The following AK3 variants were observed in gnomAD, a reference collection of about 807,000 sequenced individuals.
The protein encoded by AK3 is GTP:AMP phosphotransferase AK3, mitochondrial.
AK3 carries 27 observed loss-of-function variants against 23.7 expected under a neutral mutation model. The ratio of observed to expected loss-of-function variants is 1.14; its 90% confidence interval spans 0.84 to 1.57. The LOEUF is 1.57. Ranked by LOEUF, AK3 falls within the 40% of genes most tolerant of loss-of-function variation. The pLI is 0.00. For synonymous variants in AK3, 159 were observed against 116.0 expected (o/e 1.37, Z -2.38); for missense variants, 406 against 285.6 (o/e 1.42, Z -3.04).
intron 1 of AK3, among the ~76,000 whole-genome samples, chr9:4,729,071 C>T (rs543211322): frequency 1.9e-4 from 28 of 145,178 alleles, no homozygotes; most frequent in Non-Finnish European, 2.5e-4. Context: ...AGTGCAATGG[C>T]GCAATCTTGG....
intron 1 of AK3, among the ~76,000 whole-genome samples, chr9:4,728,686 T>A (rs1331930691): frequency 6.6e-6 from 1 of 151,612 alleles, no homozygotes; most frequent in Non-Finnish European, 1.5e-5. Context: ...AGTGTGGTAG[T>A]TTTTTTAAAG....
In AK3 at chr9:4,722,648, A is replaced by G. The variant is rs148328480; in HGVS notation, c.152-23T>C. On this transcript the variant is annotated intron_variant, in intron 1 of 4. Transcript: ENST00000381809. ...TTTCTACAGCAAAGCGGGGAAAAAA[A>G]TCAGTAAGTGCATTTGTTTTATCCC... 354 of 1,614,076 alleles carry G rather than the reference A, an allele frequency of 2.2e-4. 1 individual carries two copies. The African/African-American group carries it at 4.3e-3, about 20-fold the overall frequency.
chr9:4,733,921 T>C (rs1326797115), intron 1 of AK3, among the ~76,000 whole-genome samples: 1 of 152,224 alleles, frequency 6.6e-6, no homozygotes, highest in Non-Finnish European at 1.5e-5. Flanking sequence ...CCTAGGGAAC[T>C]GGAAGCTCCC....
rs1268955647 is a variant in AK3, at chr9:4,711,361, A to G, written c.*1615T>C. 6.6e-6 allele frequency: 1 copy of G among 152,566 alleles called. No individual in the cohort carries two copies. Among genetic ancestry groups the G allele is most frequent in the Non-Finnish European group, 1.5e-5 (1 of 68,024 alleles). The allele number at this position is 152,566 out of a possible 1,614,324, so 9.5% of individuals were successfully genotyped here. On this transcript the variant is annotated 3_prime_UTR_variant, in exon 5 of 5. Transcript: ENST00000381809. Reference sequence around the variant, plus strand: ...ATCCATAAGTTTGGTATTTCACAACATTTTTTAGAAAGCACATAAGATTAA... The same window carrying G: ...ATCCATAAGTTTGGTATTTCACAACGTTTTTTAGAAAGCACATAAGATTAA...
intron 1 of AK3, among the ~76,000 whole-genome samples, chr9:4,730,968 A>C (rs1459754681): frequency 1.4e-5 from 1 of 71,566 alleles, no homozygotes; most frequent in African/African-American, 5.8e-5. Context: ...ATAATTATGG[A>C]CCCAGTTTCT....
chr9:4,728,091 T>C (rs918554035), intron 1 of AK3, among the ~76,000 whole-genome samples: 2 of 152,288 alleles, frequency 1.3e-5, no homozygotes, highest in African/African-American at 4.8e-5. Context: ...TTAACAGATA[T>C]AATAATAATG....
intron 1 of AK3, among the ~76,000 whole-genome samples, chr9:4,723,447 G>C (rs1841951378): frequency 6.6e-6 from 1 of 152,086 alleles, no homozygotes; most frequent in Non-Finnish European, 1.5e-5. Context: ...TTAGTATTGT[G>C]ATTATGTTAT....
At chr9:4,719,429 G>A in intron 2 of AK3, 122 bp from the exon 3 acceptor site, 1 of 911,982 alleles carries the variant, frequency 1.1e-6, no homozygotes, top group Non-Finnish European at 1.6e-6. Context: ...TGAACAAAAG[G>A]AATGAGGCTC....
chr9:4,733,887 T>G (rs978638827), intron 1 of AK3, among the ~76,000 whole-genome samples: 3 of 152,160 alleles, frequency 2.0e-5, no homozygotes, highest in African/African-American at 7.2e-5. Context: ...AAACGGCCCT[T>G]CATGGTCAAG....
chr9:4,736,063 C>T (rs1246869987), intron 1 of AK3, among the ~76,000 whole-genome samples: 2 of 146,290 alleles, frequency 1.4e-5, no homozygotes, highest in African/African-American at 2.6e-5. Flanking sequence ...TACAGTGAGC[C>T]GAGATCGTGC....
chr9:4,717,868 A>C (rs576937043), intron 4 of AK3, among the ~76,000 whole-genome samples: 1 of 152,308 alleles, frequency 6.6e-6, no homozygotes, highest in Admixed American at 6.5e-5. Context: ...TTTCATTGTA[A>C]ATTGCGGAAC....
At chr9:4,730,482 G>A (rs72695861) in intron 1 of AK3, among the ~76,000 whole-genome samples, 12,695 of 152,184 alleles carry the variant, frequency 0.083, 622 homozygotes, top group African/African-American at 0.13. Context: ...CATTGCCTGT[G>A]GTCCCAGCTA....
At chr9:4,729,010 TATA>T (rs1343880903) in intron 1 of AK3, among the ~76,000 whole-genome samples, 6 of 108,692 alleles carry the variant, frequency 5.5e-5, no homozygotes, top group East Asian at 6.0e-4. Context: ...TATATATATA[TATA>T]TATTTTTTTT....
intron 1 of AK3, among the ~76,000 whole-genome samples, chr9:4,728,706 A>C (rs977941337): frequency 4.6e-5 from 7 of 151,608 alleles, no homozygotes; most frequent in African/African-American, 1.5e-4. Flanking sequence ...GGTTGAACAC[A>C]GTTACCAAGC....
intron 1 of AK3, among the ~76,000 whole-genome samples, chr9:4,732,225 A>C (rs439239): frequency 6.6e-6 from 1 of 151,668 alleles, no homozygotes; most frequent in Non-Finnish European, 1.5e-5. Flanking sequence ...CTGGAATTAC[A>C]GGCATGAGCC....
rs1390735171 is a variant in AK3, at chr9:4,719,235, T to C, written c.344A>G (p.Asn115Ser). The change falls in exon 3 of 5, where the codon AAT becomes AGT. Residue 115 changes from asparagine to serine, a missense_variant. By Grantham distance (46) the Asn-to-Ser change is conservative. Coordinates refer to ENST00000381809, the MANE Select transcript of AK3 (RefSeq NM_016282.4). ...AYQIDTVINL[N>S]VPFEVIKQRL... Reference sequence around the variant, plus strand: ...TTGTTTAATGACCTCAAAGGGCACATTCAGGTTAATCACTGTGTCGATCTG... The same window carrying C: ...TTGTTTAATGACCTCAAAGGGCACACTCAGGTTAATCACTGTGTCGATCTG... The C allele has an allele frequency of 4.3e-6, 7 of 1,612,002 alleles. No individual in the cohort carries two copies. Among genetic ancestry groups the C allele is most frequent in the African/African-American group, 2.7e-5 (2 of 74,792 alleles).
chr9:4,739,922 G>A (rs995845886), intron 1 of AK3, among the ~76,000 whole-genome samples: 1 of 151,922 alleles, frequency 6.6e-6, no homozygotes, highest in Non-Finnish European at 1.5e-5. Context: ...AAGAAAAAAG[G>A]TACACGTATC....
At chr9:4,722,742 A>G (rs1841934025) in intron 1 of AK3, 117 bp from the exon 2 acceptor site, 19 of 1,435,550 alleles carry the variant, frequency 1.3e-5, no homozygotes, top group Non-Finnish European at 1.8e-5. Context: ...GAAAATGTGC[A>G]TCATCAACTT....
chr9:4,724,900 A>T (rs1841986662), intron 1 of AK3, among the ~76,000 whole-genome samples: 1 of 152,204 alleles, frequency 6.6e-6, no homozygotes, highest in African/African-American at 2.4e-5. Context: ...TCTTTTTAAC[A>T]AATGCTCCTG....
Sources: allele counts gnomAD v4.1 joint callset (sites outside exome capture counted in the v4.1 genomes callset), GRCh38; gene constraint gnomAD v4.1.1; transcripts MANE v1.5; gene names NCBI Gene and HGNC (gene_info 2026-07-23, HGNC 2026-07-21).